ROR1: variants seen among roughly 807,000 people sequenced by gnomAD.
The protein encoded by ROR1 is ROR family WNT receptor 1, also known as inactive tyrosine-protein kinase transmembrane receptor ROR1.
Under a neutral mutation model 78.8 loss-of-function variants are expected in ROR1, and 19 were observed. That is an observed-to-expected ratio of 0.24 (90% CI 0.17 to 0.35). ROR1 has a LOEUF of 0.35. Among genes scored for constraint, ROR1 ranks in the 10% least tolerant of loss-of-function variants. ROR1 has a pLI of 1.00. For synonymous variants in ROR1, 386 were observed against 433.6 expected, an observed-to-expected ratio of 0.89 and a Z score of 1.36; for missense variants, 917 against 1,177.8, an observed-to-expected ratio of 0.78 and a Z score of 3.24.
At chr1:63,992,153 A>T (rs1370579264) in intron 1 of ROR1, among the ~76,000 whole-genome samples, 1 of 151,960 alleles carries the variant, frequency 6.6e-6, no homozygotes, top group Non-Finnish European at 1.5e-5. Context: ...ATAGCAGAGA[A>T]TGGAACAAAT....
At chr1:63,940,340 A>G (rs540900284) in intron 1 of ROR1, among the ~76,000 whole-genome samples, 2 of 152,182 alleles carry the variant, frequency 1.3e-5, no homozygotes, top group Non-Finnish European at 2.9e-5. Flanking sequence ...AACCAGCTTG[A>G]AGGTCTTCTG....
At chr1:63,844,532 G>A (rs1645068903) in intron 1 of ROR1, among the ~76,000 whole-genome samples, 1 of 152,194 alleles carries the variant, frequency 6.6e-6, no homozygotes, top group Admixed American at 6.5e-5. Flanking sequence ...AAAAAATGGT[G>A]AATGAATACA....
At chr1:63,798,553 T>C (rs1644776701) in intron 1 of ROR1, among the ~76,000 whole-genome samples, 1 of 152,130 alleles carries the variant, frequency 6.6e-6, no homozygotes, top group Admixed American at 6.5e-5. Context: ...TGGTTTGTTG[T>C]CTTGTCCACC....
intron 1 of ROR1, among the ~76,000 whole-genome samples, chr1:63,944,283 C>T (rs1645865303): frequency 6.6e-6 from 1 of 152,084 alleles, no homozygotes; most frequent in Non-Finnish European, 1.5e-5. Flanking sequence ...AAAGGAAAAT[C>T]TCTTCCTTTC....
chr1:63,873,023 T>C (rs1459426042), intron 1 of ROR1, among the ~76,000 whole-genome samples: 3 of 152,164 alleles, frequency 2.0e-5, no homozygotes, highest in African/African-American at 7.2e-5. Context: ...TTTTATTTTT[T>C]TGGAGACAGT....
chr1:63,830,299 C>T (rs1290839490), intron 1 of ROR1, among the ~76,000 whole-genome samples: 1 of 152,126 alleles, frequency 6.6e-6, no homozygotes, highest in Non-Finnish European at 1.5e-5. Context: ...AGACCTTGGC[C>T]ATATTCTTGC....
intron 1 of ROR1, among the ~76,000 whole-genome samples, chr1:63,967,993 C>G (rs986226412): frequency 6.6e-6 from 1 of 152,154 alleles, no homozygotes; most frequent in African/African-American, 2.4e-5. Flanking sequence ...CAAATTCCTT[C>G]TTACATTTTG....
chr1:64,130,838 T>G, intron 4 of ROR1, among the ~76,000 whole-genome samples: 1 of 152,244 alleles, frequency 6.6e-6, no homozygotes, highest in East Asian at 1.9e-4. Flanking sequence ...GGGCTAATTT[T>G]ACCTTGAGAG....
intron 2 of ROR1, among the ~76,000 whole-genome samples, chr1:64,034,193 T>A (rs1465404743): frequency 6.6e-6 from 1 of 152,128 alleles, no homozygotes; most frequent in Non-Finnish European, 1.5e-5. Context: ...ATTTTTTTTT[T>A]TTTTTATTAT....
chr1:63,958,224 T>C (rs537051407), intron 1 of ROR1, among the ~76,000 whole-genome samples: 5 of 152,340 alleles, frequency 3.3e-5, no homozygotes, highest in African/African-American at 1.2e-4. Flanking sequence ...CTGCCTATGT[T>C]TTCTTTCCTC....
At chr1:63,933,910 C>G (rs1054799072) in intron 1 of ROR1, among the ~76,000 whole-genome samples, 3 of 152,166 alleles carry the variant, frequency 2.0e-5, no homozygotes, top group Admixed American at 1.3e-4. Flanking sequence ...GGGGTCAGTA[C>G]AGCTTCTGCA....
intron 8 of ROR1, among the ~76,000 whole-genome samples, chr1:64,176,114 C>A (rs531518330): frequency 6.6e-6 from 1 of 152,072 alleles, no homozygotes; most frequent in African/African-American, 2.4e-5. Flanking sequence ...CATTTACTTG[C>A]CAAGATCAAA....
At chr1:64,008,372 C>T (rs1187724655) in intron 1 of ROR1, among the ~76,000 whole-genome samples, 1 of 152,176 alleles carries the variant, frequency 6.6e-6, no homozygotes, top group South Asian at 2.1e-4. Flanking sequence ...TGTTGATGGG[C>T]ACCTAGGTTG....
chr1:64,085,211 G>T (rs910380562), intron 4 of ROR1, among the ~76,000 whole-genome samples: 3 of 152,198 alleles, frequency 2.0e-5, no homozygotes, highest in Non-Finnish European at 4.4e-5. Flanking sequence ...ATGTAAAAGT[G>T]CCAAAGCAAT....
chr1:63,982,828 G>T lies in ROR1; in HGVS notation c.92-26477G>T, dbSNP rs1013380012. 5.3e-5 allele frequency among the ~76,000 whole-genome samples: 8 copies of T among 152,116 alleles called. No individual in the cohort carries two copies. The East Asian group carries it at 1.5e-3, about 29-fold the overall frequency. On this transcript the variant is annotated intron_variant, in intron 1 of 8. Transcript: ENST00000371079. ...CAGTGGAGTAGTGTGAAGAACACTG[G>T]CTATCCAACCAGACTCCTGGTCTAC...
At chr1:64,127,592 T>C (rs1648758114) in intron 4 of ROR1, among the ~76,000 whole-genome samples, 1 of 152,004 alleles carries the variant, frequency 6.6e-6, no homozygotes, top group African/African-American at 2.4e-5. Context: ...CTCCTCTCTC[T>C]TGGTTGCTTC....
intron 1 of ROR1, among the ~76,000 whole-genome samples, chr1:63,800,197 G>A (rs929657808): frequency 2.6e-5 from 4 of 152,150 alleles, no homozygotes; most frequent in Admixed American, 6.5e-5. Flanking sequence ...CCGCATGGAT[G>A]TTGAAAATGT....
intron 4 of ROR1, among the ~76,000 whole-genome samples, chr1:64,076,061 T>C (rs1330781727): frequency 6.6e-6 from 1 of 151,822 alleles, no homozygotes; most frequent in African/African-American, 2.4e-5. Context: ...CCTACCCTTC[T>C]TGCTGACAGA....
At chr1:64,165,698 T>C (rs1041875476) in intron 8 of ROR1, among the ~76,000 whole-genome samples, 1 of 144,382 alleles carries the variant, frequency 6.9e-6, no homozygotes, top group Non-Finnish European at 1.5e-5. Context: ...ATTTCGGGTT[T>C]TACTTTTTTT....
Sources: gnomAD v4.1 joint callset for allele counts (sites outside exome capture counted in the v4.1 genomes callset) on GRCh38, gnomAD v4.1.1 for gene constraint, MANE v1.5 for transcripts, NCBI Gene and HGNC (gene_info 2026-07-23, HGNC 2026-07-21) for gene names.